ANAPC10: variants seen among roughly 807,000 people sequenced by gnomAD.
ANAPC10 encodes anaphase promoting complex subunit 10, also known as anaphase-promoting complex subunit 10.
A neutral mutation model predicts 22.0 loss-of-function variants in ANAPC10; 12 were observed. The observed-to-expected ratio is 0.55, with a 90% CI of 0.35 to 0.88. ANAPC10 has a LOEUF of 0.88. Among genes scored for constraint, ANAPC10 ranks in the 40% least tolerant of loss-of-function variants. The pLI is 0.01. For missense variants in ANAPC10, 188 were observed against 220.9 expected, an observed-to-expected ratio of 0.85 and a Z score of 0.94; for synonymous variants, 65 against 69.5, an observed-to-expected ratio of 0.94 and a Z score of 0.32.
rs773113228 is a variant in ANAPC10, at chr4:145,081,643, G to C, written c.206+17C>G. On this transcript the variant is annotated intron_variant, in intron 3 of 4. Coordinates refer to ENST00000507656, the MANE Select transcript of ANAPC10 (RefSeq NM_001256706.2). ...ATAACCTACAGTAGATGAAAAATTT[G>C]AAAATGTATTAATTACCTGAATTGG... The C allele has an allele frequency of 6.4e-7, 1 of 1,560,638 alleles. No homozygotes were observed. Among genetic ancestry groups the C allele is most frequent in the South Asian group, 1.2e-5 (1 of 85,718 alleles).
At chr4:145,009,937 A>T (rs1392013499) in intron 4 of ANAPC10, among the ~76,000 whole-genome samples, 1 of 152,190 alleles carries the variant, frequency 6.6e-6, no homozygotes, top group Non-Finnish European at 1.5e-5. Flanking sequence ...ACAGAGGGCT[A>T]ATATCCAGAA....
rs200114650 is a variant in ANAPC10, at chr4:145,096,033, G to T, written c.67C>A (p.Arg23=). Residue 23 remains arginine, a synonymous_variant, in exon 2 of 5, where the codon CGG becomes AGG. Transcript: ENST00000507656. ...CAAACAGCTTGTGACCCAATTTCCC[G>T]TACTGTTCCAGTCCTTTCCAACTGC... ...PKQLERTGTV[R]EIGSQAVWSL... is the part of the protein sequence containing the mutation. 1.2e-6 allele frequency: 2 copies of T among 1,613,960 alleles called. No individual in the cohort carries two copies. Among genetic ancestry groups the T allele is most frequent in the East Asian group, 2.2e-5 (1 of 44,894 alleles).
chr4:145,039,314 G>A (rs896552121), intron 4 of ANAPC10, among the ~76,000 whole-genome samples: 2 of 152,210 alleles, frequency 1.3e-5, no homozygotes, highest in African/African-American at 4.8e-5. Context: ...TGAATAAGAT[G>A]CACAATTCTG....
At chr4:145,009,615 C>G (rs2126910528) in intron 4 of ANAPC10, among the ~76,000 whole-genome samples, 1 of 152,142 alleles carries the variant, frequency 6.6e-6, no homozygotes, top group Admixed American at 6.5e-5. Flanking sequence ...AACTGGCTAG[C>G]CATATGTAGA....
chr4:145,080,447 G>T (rs145148360), intron 3 of ANAPC10, among the ~76,000 whole-genome samples: 57 of 152,248 alleles, frequency 3.7e-4, no homozygotes, highest in African/African-American at 1.3e-3. Flanking sequence ...CACTGTGTAG[G>T]GCCACCTTTG....
At chr4:145,063,182 G>A (rs1466951734) in intron 4 of ANAPC10, among the ~76,000 whole-genome samples, 2 of 151,992 alleles carry the variant, frequency 1.3e-5, no homozygotes, top group African/African-American at 4.8e-5. Context: ...ACAAAAAAGT[G>A]GTATGTGAAG....
intron 4 of ANAPC10, among the ~76,000 whole-genome samples, chr4:145,013,904 G>T (rs1483384080): frequency 1.3e-5 from 2 of 152,130 alleles, no homozygotes; most frequent in African/African-American, 4.8e-5. Flanking sequence ...AAATACAGGG[G>T]TAGAGAAAGC....
chr4:145,064,483 T>C, intron 4 of ANAPC10, 89 bp downstream of exon 4: 1 of 1,023,632 alleles, frequency 9.8e-7, no homozygotes. Context: ...ATTAACATTT[T>C]AACCTGTCTA....
At chr4:145,068,552 T>C (rs1744034583) in intron 3 of ANAPC10, among the ~76,000 whole-genome samples, 1 of 152,216 alleles carries the variant, frequency 6.6e-6, no homozygotes, top group Admixed American at 6.5e-5. Context: ...GTCCACATAG[T>C]TGTTTAAATC....
chr4:145,066,006 A>C (rs2126480476), intron 3 of ANAPC10, among the ~76,000 whole-genome samples: 1 of 152,088 alleles, frequency 6.6e-6, no homozygotes, highest in South Asian at 2.1e-4. Context: ...GATTTTAAAA[A>C]CCCAAAAACC....
At chr4:145,020,385 C>G (rs547505865) in intron 4 of ANAPC10, among the ~76,000 whole-genome samples, 1 of 152,100 alleles carries the variant, frequency 6.6e-6, no homozygotes, top group Non-Finnish European at 1.5e-5. Context: ...ATCCAGCATC[C>G]CTTTATGATT....
chr4:145,051,720 T>C (rs901055158), intron 4 of ANAPC10, among the ~76,000 whole-genome samples: 7 of 152,154 alleles, frequency 4.6e-5, no homozygotes, highest in South Asian at 2.1e-4. Flanking sequence ...ATAGTTATTA[T>C]TGCATACAGT....
intron 3 of ANAPC10, among the ~76,000 whole-genome samples, chr4:145,080,832 G>A (rs1276291433): frequency 6.6e-6 from 1 of 151,264 alleles, no homozygotes; most frequent in African/African-American, 2.4e-5. Flanking sequence ...GCTTGAACCT[G>A]GGAGGCGGAG....
At chr4:145,003,709 T>C (rs1732920372) in intron 4 of ANAPC10, among the ~76,000 whole-genome samples, 1 of 152,206 alleles carries the variant, frequency 6.6e-6, no homozygotes, top group African/African-American at 2.4e-5. Flanking sequence ...TGTGTCTGTT[T>C]TTGTATCACT....
intron 2 of ANAPC10, among the ~76,000 whole-genome samples, chr4:145,094,359 G>A (rs1748167767): frequency 6.6e-6 from 1 of 152,136 alleles, no homozygotes; most frequent in Admixed American, 6.5e-5. Context: ...AGAGACATGA[G>A]GGAACTTTGT....
At chr4:145,017,789 T>C (rs1230855347) in intron 4 of ANAPC10, among the ~76,000 whole-genome samples, 1 of 151,646 alleles carries the variant, frequency 6.6e-6, no homozygotes, top group Non-Finnish European at 1.5e-5. Context: ...TATGCACCCA[T>C]AAAAAAGGAT....
intron 4 of ANAPC10, among the ~76,000 whole-genome samples, chr4:145,037,220 C>T (rs1169050228): frequency 6.6e-6 from 1 of 152,010 alleles, no homozygotes; most frequent in Non-Finnish European, 1.5e-5. Flanking sequence ...GATATTGAAA[C>T]GTATCTTTTA....
chr4:145,032,838 G>A (rs762927130), intron 4 of ANAPC10, among the ~76,000 whole-genome samples: 3 of 152,212 alleles, frequency 2.0e-5, no homozygotes, highest in African/African-American at 4.8e-5. Flanking sequence ...TCATGGAAAC[G>A]GCAGAGGTTT....
Position 145,076,982 on chromosome 4 carries a change from G to A in ANAPC10, c.206+4678C>T, listed in dbSNP as rs144980504. 6.6e-3 allele frequency among the ~76,000 whole-genome samples: 1,008 copies of A among 152,238 alleles called. 13 individuals are homozygous for A. Among genetic ancestry groups the A allele is most frequent in the African/African-American group, 0.023 (955 of 41,564 alleles). On this transcript the variant is annotated intron_variant, in intron 3 of 4. Coordinates refer to ENST00000507656, the MANE Select transcript of ANAPC10 (RefSeq NM_001256706.2). ...TGGGAGGCCAACGCGGGTGGATCACGAGGTCAGGAGATCGAGACCATTCTG... is the reference window on the plus strand; with the variant it reads ...TGGGAGGCCAACGCGGGTGGATCACAAGGTCAGGAGATCGAGACCATTCTG...
Sources: allele counts gnomAD v4.1 joint callset (sites outside exome capture counted in the v4.1 genomes callset), GRCh38; gene constraint gnomAD v4.1.1; transcripts MANE v1.5; gene names NCBI Gene and HGNC (gene_info 2026-07-23, HGNC 2026-07-21).